The following RCBTB1 variants were observed in gnomAD, a reference collection of about 807,000 sequenced individuals.
RCBTB1 encodes RCC1 and BTB domain containing protein 1.
Under a neutral mutation model 62.4 loss-of-function variants are expected in RCBTB1, and 46 were observed. The ratio of observed to expected loss-of-function variants is 0.74; its 90% confidence interval spans 0.58 to 0.94. RCBTB1 has a LOEUF of 0.94. RCBTB1 is among the 40% of genes least tolerant of loss of function. The probability of loss-of-function intolerance (pLI) is 0.00; values close to 1 mark genes in which losing one functional copy is unlikely to be tolerated. For missense variants in RCBTB1, 565 were observed against 654.9 expected (o/e 0.86, Z 1.50); for synonymous variants, 222 against 245.8 (o/e 0.90, Z 0.91).
intron 1 of RCBTB1, among the ~76,000 whole-genome samples, chr13:49,581,288 G>A (rs182015679): frequency 2.6e-5 from 4 of 152,202 alleles, no homozygotes; most frequent in African/African-American, 9.6e-5. Context: ...GGAGAAAATT[G>A]AACAAGAAGG....
intron 1 of RCBTB1, among the ~76,000 whole-genome samples, chr13:49,583,439 G>A (rs1230936980): frequency 6.6e-6 from 1 of 151,684 alleles, no homozygotes; most frequent in African/African-American, 2.4e-5. Flanking sequence ...ACACACAGTT[G>A]ACTTATATAA....
At chr13:49,555,406 C>T (rs370587867) in intron 6 of RCBTB1, 109 bp downstream of exon 6, 2 of 965,440 alleles carry the variant, frequency 2.1e-6, no homozygotes, top group Non-Finnish European at 3.2e-6. Context: ...ATGGAGCTAC[C>T]AAAACAAAGC....
At chr13:49,558,792 C>T (rs953360264) in intron 5 of RCBTB1, among the ~76,000 whole-genome samples, 4 of 151,460 alleles carry the variant, frequency 2.6e-5, no homozygotes, top group Non-Finnish European at 5.9e-5. Context: ...TGAGCTGTCA[C>T]ATTTGTGATC....
rs146480436 is a variant in RCBTB1 at position 49,555,821 on chromosome 13, A to G, written c.445-148T>C. The G allele has an allele frequency of 7.8e-4, 473 of 607,108 alleles. 5 individuals carry two copies. In the African/African-American group the frequency reaches 8.3e-3, roughly 11 times the overall value. 37.6% of individuals were successfully genotyped at this position (607,108 alleles called of 1,614,324 possible). On this transcript the variant is annotated intron_variant, in intron 5 of 12. Coordinates refer to ENST00000378302, the MANE Select transcript of RCBTB1 (RefSeq NM_018191.4). ...CTATATGCTTTACACACATTAACCT[A>G]TTTAACCTGCCTAGTAATCCTGCAA...
At chr13:49,581,700 G>C (rs1394843032) in intron 1 of RCBTB1, among the ~76,000 whole-genome samples, 1 of 152,220 alleles carries the variant, frequency 6.6e-6, no homozygotes, top group Non-Finnish European at 1.5e-5. Flanking sequence ...TGAAGGAAGA[G>C]GTAGACCAGG....
intron 5 of RCBTB1, among the ~76,000 whole-genome samples, chr13:49,557,536 G>A (rs1292740961): frequency 2.6e-5 from 4 of 151,910 alleles, no homozygotes; most frequent in African/African-American, 9.7e-5. Flanking sequence ...TAGACCTTAA[G>A]GATGGGGTCA....
At chr13:49,553,998 T>C (rs1035562874) in intron 6 of RCBTB1, among the ~76,000 whole-genome samples, 24 of 152,188 alleles carry the variant, frequency 1.6e-4, no homozygotes, top group Non-Finnish European at 3.1e-4. Context: ...TGTTCATCAG[T>C]AGAGCTCTGT....
At chr13:49,535,303 T>C (rs1959853954) in intron 12 of RCBTB1, among the ~76,000 whole-genome samples, 1 of 152,184 alleles carries the variant, frequency 6.6e-6, no homozygotes, top group Non-Finnish European at 1.5e-5. Flanking sequence ...TTTCATCCCC[T>C]GCCAAACTTT....
At chr13:49,535,962 G>T (rs187762246) in intron 12 of RCBTB1, among the ~76,000 whole-genome samples, 225 of 151,400 alleles carry the variant, frequency 1.5e-3, no homozygotes, top group East Asian at 0.011. Flanking sequence ...GGCGGAGGTT[G>T]CAGTGAGCCG....
chr13:49,551,593 G>T, intron 7 of RCBTB1, 125 bp from the exon 8 acceptor site: 1 of 1,095,366 alleles, frequency 9.1e-7, no homozygotes, highest in Non-Finnish European at 1.3e-6. Flanking sequence ...ACTGACATTT[G>T]CTGGAACATT....
chr13:49,556,460 G>C (rs1961887051), intron 5 of RCBTB1, among the ~76,000 whole-genome samples: 2 of 152,184 alleles, frequency 1.3e-5, no homozygotes, highest in African/African-American at 4.8e-5. Flanking sequence ...AAAGTGCTGG[G>C]ATTACAGGCG....
intron 1 of RCBTB1, among the ~76,000 whole-genome samples, chr13:49,581,864 A>G (rs1159221295): frequency 6.6e-6 from 1 of 152,254 alleles, no homozygotes; most frequent in East Asian, 1.9e-4. Flanking sequence ...AGTGACCTTA[A>G]CAAGAACAGT....
chr13:49,566,644 C>G lies in RCBTB1; in HGVS notation c.251G>C (p.Gly84Ala). 1 of 1,614,018 alleles carries G rather than the reference C, an allele frequency of 6.2e-7. No individual in the cohort carries two copies. Among genetic ancestry groups the G allele is most frequent in the Non-Finnish European group, 8.5e-7 (1 of 1,179,954 alleles). Residue 84 changes from glycine (G) to alanine (A), a missense_variant, in exon 4 of 13, where the codon GGA (glycine) becomes GCA (alanine). By Grantham distance (60) the Gly-to-Ala change is moderately conservative. Transcript: ENST00000378302. ...TTCGGTGCTGAGAAGAACATGTGGTCCACTCCCGTAACTGAGGCTTTTAAT... is the reference window on the plus strand; with the variant it reads ...TTCGGTGCTGAGAAGAACATGTGGTGCACTCCCGTAACTGAGGCTTTTAAT... Reference protein sequence around the residue: ...KKIKSLSYGSGPHVLLSTEDG... With the variant: ...KKIKSLSYGSAPHVLLSTEDG...
intron 2 of RCBTB1, among the ~76,000 whole-genome samples, chr13:49,574,423 C>T (rs975152882): frequency 6.6e-6 from 1 of 152,068 alleles, no homozygotes; most frequent in African/African-American, 2.4e-5. Context: ...TCGGCCAGTC[C>T]CAAATTTCTA....
In RCBTB1 at chr13:49,550,014, G is replaced by A. The variant is rs9591276; in HGVS notation, c.855-366C>T. 147 of 667,822 alleles carry A rather than the reference G, an allele frequency of 2.2e-4. No individual in the cohort carries two copies. In the African/African-American group the frequency reaches 2.9e-3, roughly 13 times the overall value. 41.4% of individuals were successfully genotyped at this position (667,822 alleles called of 1,614,324 possible). On this transcript the variant is annotated intron_variant, in intron 8 of 12. Transcript: ENST00000378302. ...TCTTTTTTTTTTCTTTTTTGAGACA[G>A]GATCTCACTCCGTCACCCAGGCTAG...
chr13:49,544,989 C>A, intron 9 of RCBTB1, 126 bp from the exon 10 acceptor site: 2 of 688,042 alleles, frequency 2.9e-6, no homozygotes, highest in Admixed American at 2.8e-5. Flanking sequence ...AGAGTTCATA[C>A]CTTGTTTGAC....
chr13:49,538,836 A>G (rs1960123632), intron 12 of RCBTB1, among the ~76,000 whole-genome samples: 1 of 151,062 alleles, frequency 6.6e-6, no homozygotes, highest in Admixed American at 6.6e-5. Context: ...TCTATTCTCT[A>G]ATTTTTCTAC....
At chr13:49,569,727 AAAAG>A (rs562528885) in intron 2 of RCBTB1, among the ~76,000 whole-genome samples, 1,837 of 151,340 alleles carry the variant, frequency 0.012, 23 homozygotes, top group Non-Finnish European at 0.021. Context: ...TCAAAAAAAA[AAAAG>A]AAAGAAAGAA....
chr13:49,549,122 A>C (rs1330282189), intron 9 of RCBTB1, among the ~76,000 whole-genome samples: 2 of 115,314 alleles, frequency 1.7e-5, no homozygotes, highest in Non-Finnish European at 3.6e-5. Context: ...ACAGAGTGAG[A>C]TTCTGTCTCA....
Sources: allele counts gnomAD v4.1 joint callset (sites outside exome capture counted in the v4.1 genomes callset), GRCh38; gene constraint gnomAD v4.1.1; transcripts MANE v1.5; gene names NCBI Gene and HGNC (gene_info 2026-07-23, HGNC 2026-07-21).